EPN2: variants seen among roughly 807,000 people sequenced by gnomAD.
EPN2 encodes epsin-2.
EPN2 carries 34 observed loss-of-function variants against 61.7 expected under a neutral mutation model. That is an observed-to-expected ratio of 0.55 (90% CI 0.42 to 0.73). The LOEUF (loss-of-function observed/expected upper bound fraction) is 0.73, where lower values mean the gene tolerates loss of function less well. Among genes scored for constraint, EPN2 ranks in the 30% least tolerant of loss-of-function variants. The pLI is 0.00. For synonymous variants in EPN2, 349 were observed against 353.6 expected, an observed-to-expected ratio of 0.99 and a Z score of 0.15; for missense variants, 714 against 839.2, an observed-to-expected ratio of 0.85 and a Z score of 1.84.
intron 7 of EPN2, among the ~76,000 whole-genome samples, chr17:19,314,474 C>T (rs1186458337): frequency 2.0e-5 from 3 of 152,122 alleles, no homozygotes; most frequent in African/African-American, 7.2e-5. Context: ...CAGATGCAAC[C>T]AGCTGGTGTG....
At chr17:19,304,976 T>C (rs1039884454) in intron 4 of EPN2, among the ~76,000 whole-genome samples, 43 of 152,120 alleles carry the variant, frequency 2.8e-4, no homozygotes, top group Non-Finnish European at 2.9e-5. Context: ...CCCAGGGACA[T>C]AGGAAAACCA....
At chr17:19,290,392 G>A (rs533571912) in intron 4 of EPN2, among the ~76,000 whole-genome samples, 6 of 152,116 alleles carry the variant, frequency 3.9e-5, no homozygotes, top group East Asian at 1.9e-4. Context: ...TGGGGTAGAC[G>A]GAACCTACAT....
chr17:19,310,578 T>TTC lies in EPN2; in HGVS notation c.879+582_879+583insCT, dbSNP rs1188965859. 5.7e-5 allele frequency among the ~76,000 whole-genome samples: 7 copies of TTC among 122,228 alleles called. No homozygotes were observed. The East Asian group carries it at 1.4e-3, about 24-fold the overall frequency. The allele number at this position is 122,228 out of a possible 152,430, so 80.2% of individuals were successfully genotyped here. A position where few individuals can be genotyped will look rare whatever the true frequency, so the allele number is the denominator to read the frequency against. On this transcript the variant is annotated intron_variant, in intron 5 of 10. Coordinates refer to ENST00000314728, the MANE Select transcript of EPN2 (RefSeq NM_014964.5). ...CTCTCTTTCTCCTTCTTTCTTTTTTTTTTTTTTTTTTTTTTTTGAATCAGA... is the reference window on the plus strand; with the variant it reads ...CTCTCTTTCTCCTTCTTTCTTTTTTTTCTTTTTTTTTTTTTTTTTGAATCAGA...
chr17:19,301,405 G>C (rs1905511280), intron 4 of EPN2, among the ~76,000 whole-genome samples: 1 of 152,204 alleles, frequency 6.6e-6, no homozygotes, highest in Non-Finnish European at 1.5e-5. Flanking sequence ...AGAAGGCACT[G>C]TAAGTGCTGA....
chr17:19,313,955 G>A (rs145541619), intron 7 of EPN2, among the ~76,000 whole-genome samples: 3 of 152,244 alleles, frequency 2.0e-5, no homozygotes, highest in African/African-American at 7.2e-5. Flanking sequence ...TGCCCTGGGA[G>A]GCCCCTCCTG....
At chr17:19,321,199 G>A (rs1906621747) in intron 7 of EPN2, among the ~76,000 whole-genome samples, 1 of 152,146 alleles carries the variant, frequency 6.6e-6, no homozygotes, top group African/African-American at 2.4e-5. Flanking sequence ...CAGTTTGTTC[G>A]AGATGTGATG....
At position 19,290,596 on chromosome 17, in the gene EPN2, C is replaced by T. The variant is rs186640888; in HGVS notation, c.766+4806C>T. Among the ~76,000 whole-genome samples, 13 of 147,752 alleles carry T rather than the reference C, an allele frequency of 8.8e-5. No individual in the cohort carries two copies. In the East Asian group the frequency reaches 1.2e-3, roughly 14 times the overall value. On this transcript the variant is annotated intron_variant, in intron 4 of 10. Coordinates refer to ENST00000314728, the MANE Select transcript of EPN2 (RefSeq NM_014964.5). Reference sequence around the variant, plus strand: ...GTTCTCAGCCCCCTTGCTGAGTCTGCGGAGCCAGAGCTACAGCTGTCTTGA... The same window carrying T: ...GTTCTCAGCCCCCTTGCTGAGTCTGTGGAGCCAGAGCTACAGCTGTCTTGA...
rs747999177 is a variant in EPN2 at position 19,285,782 on chromosome 17, C to G, written c.758C>G (p.Ala253Gly). The G allele has an allele frequency of 4.6e-5, 73 of 1,597,098 alleles. No individual in the cohort carries two copies. Among genetic ancestry groups the G allele is most frequent in the Non-Finnish European group, 5.4e-5 (63 of 1,171,608 alleles). Reference sequence around the variant, plus strand: ...CAGCCCTGCCTCACTTGTGACCGCGCAGCCCGAGGTGGGACGGCGGTTTGC... The same window carrying G: ...CAGCCCTGCCTCACTTGTGACCGCGGAGCCCGAGGTGGGACGGCGGTTTGC... ...WSQPCLTCDR[A>G]ARATSPRVSS... The change falls in exon 4 of 11, where the codon GCA becomes GGA. Residue 253 changes from alanine (A) to glycine (G), a missense_variant. By Grantham distance (60) the Ala-to-Gly change is moderately conservative. Transcript: ENST00000314728. This position sits in a 1 kb window ranked among gnomAD's most constrained non-coding sequence, Gnocchi z 4.5.
intron 7 of EPN2, among the ~76,000 whole-genome samples, chr17:19,327,043 CAGAG>C (rs1169300909): frequency 1.3e-5 from 2 of 152,138 alleles, no homozygotes; most frequent in Non-Finnish European, 2.9e-5. Context: ...TACTAAGCAT[CAGAG>C]AGGTTATGAG....
At chr17:19,239,653 C>T (rs2044861611) in intron 1 of EPN2, among the ~76,000 whole-genome samples, 1 of 152,170 alleles carries the variant, frequency 6.6e-6, no homozygotes, top group Admixed American at 6.5e-5. Flanking sequence ...CCACAAGTCC[C>T]CGGACCAGGA....
rs373780650 is a variant in EPN2, at chr17:19,299,678, G to A, written c.767-10207G>A. ...CAGCCCGAAGAGAATGGCACAACTT[G>A]CTTTTTTCTGACTGAGGATGGGATT... On this transcript the variant is annotated intron_variant, in intron 4 of 10. Transcript: ENST00000314728. 1.4e-4 allele frequency among the ~76,000 whole-genome samples: 21 copies of A among 152,330 alleles called. 1 individual carries two copies. In the South Asian group the frequency reaches 1.7e-3, roughly 12 times the overall value.
At position 19,277,400 on chromosome 17, in the gene EPN2, C is replaced by CAAA. The variant is rs58679739; in HGVS notation, c.-293-4536_-293-4534dup. ...TGGGCAAAAGGGTGAGACTCTGTCT[C>CAAA]AAAAAAAAAAAAAAAAAAAAAGAGA... On this transcript the variant is annotated intron_variant, in intron 1 of 10. Transcript: ENST00000314728. 8.7e-4 allele frequency among the ~76,000 whole-genome samples: 66 copies of CAAA among 75,434 alleles called. 1 individual carries two copies. The highest frequency in any genetic ancestry group is 3.5e-3 in the East Asian group (11 of 3,170). 49.5% of individuals were successfully genotyped at this position (75,434 alleles called of 152,430 possible). A position where few individuals can be genotyped will look rare whatever the true frequency, so the allele number is the denominator to read the frequency against.
At chr17:19,264,726 G>C (rs926458660) in intron 1 of EPN2, among the ~76,000 whole-genome samples, 2 of 152,170 alleles carry the variant, frequency 1.3e-5, no homozygotes, top group African/African-American at 4.8e-5. Context: ...GAGAGAGAAA[G>C]GGGGGAGTGT....
chr17:19,240,672 G>C (rs998205935), intron 1 of EPN2, among the ~76,000 whole-genome samples: 1 of 152,164 alleles, frequency 6.6e-6, no homozygotes, highest in Non-Finnish European at 1.5e-5. Context: ...ATACTTTGCC[G>C]TCTAGCTCGT....
In EPN2 at chr17:19,328,769, A is replaced by G. The variant is rs1035685203; in HGVS notation, c.1206A>G (p.Gln402=). Residue 402 remains glutamine, a synonymous_variant, in exon 8 of 11, where the codon CAA becomes CAG. Coordinates refer to ENST00000314728, the MANE Select transcript of EPN2 (RefSeq NM_014964.5). ...PWGVPTGATV[Q]SVPKNSDPWA... is the part of the protein sequence containing the mutation. ...GGGTGCCCACTGGAGCCACCGTACA[A>G]TCTGTCCCCAAGAACTCGGACCCCT... 1.9e-6 allele frequency: 3 copies of G among 1,613,334 alleles called. No homozygotes were observed. Among genetic ancestry groups the G allele is most frequent in the Middle Eastern group, 1.7e-4 (1 of 6,054 alleles).
At chr17:19,279,834 T>A (rs866257386) in intron 1 of EPN2, 3 of 149,594 alleles carry the variant, frequency 2.0e-5, no homozygotes, top group Non-Finnish European at 3.0e-5. Context: ...TCTTTACTTT[T>A]CTTTTCTTTT....
At chr17:19,304,345 G>A (rs1056460359) in intron 4 of EPN2, among the ~76,000 whole-genome samples, 2 of 152,180 alleles carry the variant, frequency 1.3e-5, no homozygotes, top group Admixed American at 6.5e-5. Flanking sequence ...TTTCACTGCT[G>A]TTCAGTAACA....
intron 1 of EPN2, among the ~76,000 whole-genome samples, chr17:19,250,366 G>T (rs2045001960): frequency 6.6e-6 from 1 of 152,150 alleles, no homozygotes; most frequent in Admixed American, 6.5e-5. Context: ...AAAGTGCTGG[G>T]ATTACAGGCG....
At chr17:19,316,200 A>T (rs1221961097) in intron 7 of EPN2, among the ~76,000 whole-genome samples, 2 of 152,242 alleles carry the variant, frequency 1.3e-5, no homozygotes, top group Non-Finnish European at 2.9e-5. Flanking sequence ...TAAAGAGAAG[A>T]TAGAAACCTG....
Sources: allele counts gnomAD v4.1 joint callset (sites outside exome capture counted in the v4.1 genomes callset), GRCh38; gene constraint gnomAD v4.1.1; non-coding constraint Gnocchi (gnomAD v3.1); transcripts MANE v1.5; gene names NCBI Gene and HGNC (gene_info 2026-07-23, HGNC 2026-07-21).